PHGDH: variants seen among roughly 807,000 people sequenced by gnomAD.
PHGDH encodes the protein phosphoglycerate dehydrogenase, also known as D-3-phosphoglycerate dehydrogenase.
PHGDH carries 50 observed loss-of-function variants against 52.6 expected under a neutral mutation model. That is an observed-to-expected ratio of 0.95 (90% CI 0.76 to 1.20). The LOEUF (loss-of-function observed/expected upper bound fraction) is 1.20, where lower values mean the gene tolerates loss of function less well. Ranked by LOEUF, PHGDH falls within the 50% of genes most tolerant of loss-of-function variation. The probability of loss-of-function intolerance (pLI) is 0.00; values close to 1 mark genes in which losing one functional copy is unlikely to be tolerated. For synonymous variants in PHGDH, 271 were observed against 280.5 expected (o/e 0.97, Z 0.34); for missense variants, 630 against 684.6 (o/e 0.92, Z 0.89).
intron 3 of PHGDH, among the ~76,000 whole-genome samples, chr1:119,724,030 T>A (rs1241252526): frequency 6.6e-6 from 1 of 152,148 alleles, no homozygotes; most frequent in East Asian, 1.9e-4. Flanking sequence ...GCAAGACTCT[T>A]GCTCTTCTAG....
At chr1:119,740,347 C>A in intron 8 of PHGDH, 39 bp from the exon 9 acceptor site, 1 of 1,613,360 alleles carries the variant, frequency 6.2e-7, no homozygotes, top group Non-Finnish European at 8.5e-7. Flanking sequence ...TCTGCCATGC[C>A]TCTTCCTGAC....
intron 1 of PHGDH, among the ~76,000 whole-genome samples, chr1:119,715,253 G>C (rs1462783493): frequency 6.6e-6 from 1 of 152,084 alleles, no homozygotes. Context: ...TGCTGGTCAG[G>C]ACCACTAAAC....
chr1:119,736,975 T>C, intron 7 of PHGDH, 139 bp from the exon 8 acceptor site: 1 of 771,220 alleles, frequency 1.3e-6, no homozygotes, highest in South Asian at 1.5e-5. Context: ...TTGAGTCCAG[T>C]GACCACCCTG....
intron 1 of PHGDH, among the ~76,000 whole-genome samples, chr1:119,718,409 G>C (rs587658439): frequency 4.6e-5 from 7 of 152,326 alleles, no homozygotes; most frequent in African/African-American, 1.7e-4. Flanking sequence ...TCAAAAAATG[G>C]TAGCTATTGT....
intron 8 of PHGDH, 90 bp from the exon 9 acceptor site, chr1:119,740,296 C>A: frequency 1.4e-6 from 2 of 1,415,642 alleles, no homozygotes; most frequent in Non-Finnish European, 2.0e-6. Context: ...TACTGTCTTT[C>A]TTGTGGAGCT....
intron 9 of PHGDH, among the ~76,000 whole-genome samples, chr1:119,741,482 A>G (rs987162867): frequency 1.3e-5 from 2 of 152,220 alleles, no homozygotes; most frequent in Non-Finnish European, 2.9e-5. Flanking sequence ...GTAGGCCAGG[A>G]TGGCCAAGCC....
chr1:119,723,255 C>T (rs1215091480), intron 2 of PHGDH, 121 bp from the exon 3 acceptor site: 5 of 810,190 alleles, frequency 6.2e-6, no homozygotes, highest in African/African-American at 1.7e-5. Flanking sequence ...TGGACAGTGG[C>T]GTGGTCAGTT....
Position 119,741,902 on chromosome 1 carries a change from G to A in PHGDH, c.1209+5G>A, listed in dbSNP as rs374321849. ...GTGAAAGAGGCTGGCCTCAATGTGC[G>A]CCCCTCTCCCCCACGCTGCCTCCCC... On this transcript the variant is annotated splice_donor_5th_base_variant and intron_variant, in intron 10 of 11. Transcript: ENST00000641023. 1.2e-5 allele frequency: 20 copies of A among 1,612,110 alleles called. No homozygotes were observed. Among genetic ancestry groups the A allele is most frequent in the East Asian group, 2.2e-5 (1 of 44,880 alleles).
chr1:119,742,914 A>G lies in PHGDH; in HGVS notation c.1317A>G (p.Gln439=), dbSNP rs758098608. Residue 439 remains glutamine (Q), a synonymous_variant, in exon 11 of 12, where the codon CAA becomes CAG. Transcript: ENST00000641023. ...GAPYQAVGLV[Q]GTTPVLQGLN... Reference sequence around the variant, plus strand: ...CTTACCAGGCTGTGGGCTTGGTCCAAGGCACTACGCCTGTACTGCAGGGGC... The same window carrying G: ...CTTACCAGGCTGTGGGCTTGGTCCAGGGCACTACGCCTGTACTGCAGGGGC... The G allele has an allele frequency of 1.9e-6, 3 of 1,613,488 alleles. No homozygotes were observed. Among genetic ancestry groups the G allele is most frequent in the East Asian group, 2.2e-5 (1 of 44,874 alleles).
In PHGDH at chr1:119,736,809, T is replaced by C. The variant is rs34944994; in HGVS notation, c.793-305T>C. ...CAGTAATGTTATGAGGGAGATAGGATCAACCCATTTCACAGATAAAGAAAC... is the reference window on the plus strand; with the variant it reads ...CAGTAATGTTATGAGGGAGATAGGACCAACCCATTTCACAGATAAAGAAAC... On this transcript the variant is annotated intron_variant, in intron 7 of 11. Transcript: ENST00000641023. Among the ~76,000 whole-genome samples the C allele has an allele frequency of 0.026, 3,900 of 152,294 alleles. 61 individuals are homozygous for C. The highest frequency in any genetic ancestry group is 0.031 in the Non-Finnish European group (2,132 of 68,028).
At chr1:119,738,254 G>A (rs781346486) in intron 8 of PHGDH, among the ~76,000 whole-genome samples, 1 of 152,196 alleles carries the variant, frequency 6.6e-6, no homozygotes, top group Non-Finnish European at 1.5e-5. Flanking sequence ...TTTCGCTGGT[G>A]AGGACAGCAC....
intron 5 of PHGDH, chr1:119,730,155 A>G (rs901992435): frequency 6.6e-6 from 1 of 152,198 alleles, no homozygotes; most frequent in Non-Finnish European, 1.5e-5. Flanking sequence ...GTCTTGGAGA[A>G]CAAGATTTTC....
At chr1:119,741,022 G>A (rs1007667747) in intron 9 of PHGDH, among the ~76,000 whole-genome samples, 2 of 152,182 alleles carry the variant, frequency 1.3e-5, no homozygotes, top group Admixed American at 1.3e-4. Flanking sequence ...TGGGCCGTCT[G>A]ACAGCCCTCG....
In PHGDH at chr1:119,744,213, C is replaced by T; in HGVS notation, c.*173C>T. 3.0e-6 allele frequency: 2 copies of T among 676,494 alleles called. No homozygotes were observed. The highest frequency in any genetic ancestry group is 5.3e-6 in the Non-Finnish European group (2 of 377,966). The allele number at this position is 676,494 out of a possible 1,614,324, so 41.9% of individuals were successfully genotyped here. ...AACCGTCTAATAAAGAGCCTACCCC[C>T]AACTCCTTCTGCACTTTTGTGTGGT... is the stretch of plus-strand genomic sequence containing the variant. On this transcript the variant is annotated 3_prime_UTR_variant, in exon 12 of 12. Transcript: ENST00000641023.
intron 11 of PHGDH, 81 bp downstream of exon 11, chr1:119,743,125 C>A: frequency 2.3e-6 from 2 of 880,428 alleles, no homozygotes; most frequent in Non-Finnish European, 3.9e-6. Flanking sequence ...TACCCACCTT[C>A]CTTTAGCCCC....
chr1:119,738,029 A>G (rs939798641), intron 8 of PHGDH, among the ~76,000 whole-genome samples: 2 of 149,948 alleles, frequency 1.3e-5, no homozygotes, highest in African/African-American at 4.9e-5. Flanking sequence ...TCTGAGAACC[A>G]TGTTCTTTCT....
intron 1 of PHGDH, 121 bp downstream of exon 1, chr1:119,712,281 T>G: frequency 2.0e-5 from 14 of 713,164 alleles, no homozygotes; most frequent in Middle Eastern, 4.1e-4. Flanking sequence ...CGGGGCCTCC[T>G]GAGATTGGGG....
At chr1:119,716,797 G>T (rs766387020) in intron 1 of PHGDH, among the ~76,000 whole-genome samples, 1 of 152,116 alleles carries the variant, frequency 6.6e-6, no homozygotes, top group Non-Finnish European at 1.5e-5. Flanking sequence ...TGGCTGCAAA[G>T]AAATGACCAC....
rs76247144 is a variant in PHGDH at position 119,732,900 on chromosome 1, T to G, written c.511-1734T>G. Among the ~76,000 whole-genome samples the G allele has an allele frequency of 5.9e-3, 899 of 152,224 alleles. 13 individuals carry two copies. The highest frequency in any genetic ancestry group is 0.021 in the African/African-American group (863 of 41,528). ...GGCTGGACCTTGTGATCTCTATTGGTGTTCCCTTCCTCTCCCCACTCCATA... is the reference window on the plus strand; with the variant it reads ...GGCTGGACCTTGTGATCTCTATTGGGGTTCCCTTCCTCTCCCCACTCCATA... On this transcript the variant is annotated intron_variant, in intron 5 of 11. Transcript: ENST00000641023.
Sources: gnomAD v4.1 joint callset for allele counts (sites outside exome capture counted in the v4.1 genomes callset) on GRCh38, gnomAD v4.1.1 for gene constraint, MANE v1.5 for transcripts, NCBI Gene and HGNC (gene_info 2026-07-23, HGNC 2026-07-21) for gene names.